Variants in ANTXR2 observed in about 807,000 individuals in gnomAD.
The protein encoded by ANTXR2 is anthrax toxin receptor 2.
Under a neutral mutation model 73.7 loss-of-function variants are expected in ANTXR2, and 44 were observed. The observed-to-expected ratio is 0.60, with a 90% CI of 0.47 to 0.77. ANTXR2 has a LOEUF of 0.77. ANTXR2 is among the 30% of genes least tolerant of loss of function. The probability of loss-of-function intolerance (pLI) is 0.00; values close to 1 mark genes in which losing one functional copy is unlikely to be tolerated. For missense variants in ANTXR2, 604 were observed against 592.5 expected (o/e 1.02, Z -0.20); for synonymous variants, 217 against 205.9 (o/e 1.05, Z -0.46).
At chr4:79,926,926 T>TACACATGTGTGCATATATGTGTATATAC (rs1727815106) in intron 16 of ANTXR2, among the ~76,000 whole-genome samples, 2 of 60,186 alleles carry the variant, frequency 3.3e-5, no homozygotes, top group Non-Finnish European at 7.2e-5. Flanking sequence ...TGTGTATATA[T>TACACATGTGTGCATATATGTGTATATAC]ACACATGTGC....
intron 12 of ANTXR2, among the ~76,000 whole-genome samples, chr4:79,989,515 T>C (rs1194135076): frequency 1.3e-5 from 2 of 151,700 alleles, no homozygotes; most frequent in Admixed American, 6.6e-5. Flanking sequence ...GAAAATGCCG[T>C]AGATGAGACA....
intron 12 of ANTXR2, among the ~76,000 whole-genome samples, chr4:80,002,667 A>G (rs1578144993): frequency 6.6e-6 from 1 of 152,084 alleles, no homozygotes; most frequent in South Asian, 2.1e-4. Flanking sequence ...CTCATCTGAC[A>G]AAGGGCTCAT....
chr4:79,907,227 C>T lies in ANTXR2; in HGVS notation c.*202G>A. On this transcript the variant is annotated 3_prime_UTR_variant, in exon 17 of 17. Coordinates refer to ENST00000403729, the MANE Select transcript of ANTXR2 (RefSeq NM_058172.6). ...ATGAGTTACCACTGAGTTTCATCAC[C>T]TCCCATGTAGATGGCAGAACAAGTG... 1 of 613,162 alleles carries T rather than the reference C, an allele frequency of 1.6e-6. No individual in the cohort carries two copies. Among genetic ancestry groups the T allele is most frequent in the South Asian group, 2.1e-5 (1 of 48,052 alleles). The allele number at this position is 613,162 out of a possible 1,614,324, so 38.0% of individuals were successfully genotyped here.
intron 16 of ANTXR2, among the ~76,000 whole-genome samples, chr4:79,947,322 G>A (rs147990212): frequency 8.9e-4 from 135 of 152,168 alleles, no homozygotes; most frequent in Middle Eastern, 3.4e-3. Flanking sequence ...ATCTGTTCTT[G>A]CATGTTAGTT....
At chr4:80,044,238 C>A (rs1205163592) in intron 7 of ANTXR2, among the ~76,000 whole-genome samples, 1 of 151,872 alleles carries the variant, frequency 6.6e-6, no homozygotes, top group African/African-American at 2.4e-5. Context: ...TTTGTGAGAA[C>A]CTTGACTTAA....
intron 16 of ANTXR2, among the ~76,000 whole-genome samples, chr4:79,975,100 C>G (rs1240927581): frequency 2.0e-5 from 3 of 152,182 alleles, no homozygotes; most frequent in African/African-American, 4.8e-5. Flanking sequence ...CCCAGATTAT[C>G]TAGCAAACCA....
intron 16 of ANTXR2, among the ~76,000 whole-genome samples, chr4:79,948,782 A>AAGG (rs971988302): frequency 1.3e-5 from 2 of 152,044 alleles, no homozygotes; most frequent in African/African-American, 2.4e-5. Flanking sequence ...GGAGGAAGGA[A>AAGG]AGGAGGAGGA....
At chr4:79,966,030 T>A (rs1199863196) in intron 16 of ANTXR2, among the ~76,000 whole-genome samples, 2 of 152,094 alleles carry the variant, frequency 1.3e-5, no homozygotes, top group African/African-American at 4.8e-5. Context: ...TCACCCTTGC[T>A]TAGAGCCCAA....
At chr4:79,976,329 G>A (rs1229619001) in intron 16 of ANTXR2, among the ~76,000 whole-genome samples, 2 of 152,150 alleles carry the variant, frequency 1.3e-5, no homozygotes, top group South Asian at 4.1e-4. Context: ...AATGAGGTAG[G>A]AGGCAGTACT....
intron 7 of ANTXR2, among the ~76,000 whole-genome samples, chr4:80,038,882 T>C (rs1170365328): frequency 6.6e-6 from 1 of 152,032 alleles, no homozygotes; most frequent in Non-Finnish European, 1.5e-5. Flanking sequence ...TAAATTATAT[T>C]ATTAGTGCAT....
At chr4:79,985,673 C>A (rs1730112625) in intron 12 of ANTXR2, among the ~76,000 whole-genome samples, 1 of 152,078 alleles carries the variant, frequency 6.6e-6, no homozygotes, top group Admixed American at 6.5e-5. Context: ...TGACTCCGGC[C>A]AAACTGGCAC....
chr4:79,993,760 G>GCGCGCACACACACACACACA (rs71662888), intron 12 of ANTXR2, among the ~76,000 whole-genome samples: 52 of 140,768 alleles, frequency 3.7e-4, no homozygotes, highest in African/African-American at 1.3e-3. Context: ...ACACACACAC[G>GCGCGCACACACACACACACA]CACACACACA....
intron 16 of ANTXR2, among the ~76,000 whole-genome samples, chr4:79,912,115 T>G (rs951553356): frequency 6.6e-6 from 1 of 151,968 alleles, no homozygotes; most frequent in African/African-American, 2.4e-5. Context: ...ATTTATTAAT[T>G]TTGCATGACA....
intron 3 of ANTXR2, 25 bp from the exon 4 acceptor site, chr4:80,056,038 A>G: frequency 6.9e-7 from 1 of 1,455,864 alleles, no homozygotes; most frequent in Non-Finnish European, 9.2e-7. Context: ...AAACAAAAGA[A>G]AAAATGAGCA....
chr4:79,952,790 C>T (rs1343826100), intron 16 of ANTXR2, among the ~76,000 whole-genome samples: 2 of 151,250 alleles, frequency 1.3e-5, no homozygotes, highest in African/African-American at 4.8e-5. Context: ...TTTCTTATGC[C>T]TTCAGTTATA....
Position 79,978,052 on chromosome 4 carries a change from T to C in ANTXR2, c.1302A>G (p.Lys434=). ...TTGTCTGAGGAGGCTGGTGTGTGGG[T>C]TTGGGTCGAGGTGGTCTAGGCCTGA... The part of the protein sequence containing the change: ...EPIRPRPPRP[K]PTHQPPQTKW... The change falls in exon 15 of 17, where the codon AAA becomes AAG. Residue 434 remains lysine (K), a synonymous_variant. Transcript: ENST00000403729. The C allele has an allele frequency of 6.2e-7, 1 of 1,612,098 alleles. No homozygotes were observed. Among genetic ancestry groups the C allele is most frequent in the Non-Finnish European group, 8.5e-7 (1 of 1,179,280 alleles).
intron 12 of ANTXR2, among the ~76,000 whole-genome samples, chr4:79,993,752 A>ACACACGCGCG (rs1489673768): frequency 8.9e-6 from 1 of 111,742 alleles, no homozygotes; most frequent in Non-Finnish European, 1.8e-5. Context: ...CACCACACAC[A>ACACACGCGCG]CACACACGCA....
chr4:80,051,925 A>C (rs1254316768), intron 7 of ANTXR2, among the ~76,000 whole-genome samples: 1 of 151,582 alleles, frequency 6.6e-6, no homozygotes, highest in African/African-American at 2.4e-5. Context: ...TGGTCATTGG[A>C]TTTTAGAGGG....
intron 16 of ANTXR2, among the ~76,000 whole-genome samples, chr4:79,929,929 C>A (rs957420910): frequency 1.6e-4 from 24 of 152,116 alleles, no homozygotes; most frequent in Admixed American, 6.6e-5. Context: ...AGCTCTGGAA[C>A]CATTTAATCA....
Sources: allele counts gnomAD v4.1 joint callset (sites outside exome capture counted in the v4.1 genomes callset), GRCh38; gene constraint gnomAD v4.1.1; transcripts MANE v1.5; gene names NCBI Gene and HGNC (gene_info 2026-07-23, HGNC 2026-07-21).